The following CCDC91 variants were observed in gnomAD, a reference collection of about 807,000 sequenced individuals.
CCDC91 encodes coiled-coil domain containing 91.
A neutral mutation model predicts 63.2 loss-of-function variants in CCDC91; 48 were observed. The ratio of observed to expected loss-of-function variants is 0.76; its 90% CI spans 0.60 to 0.97. The LOEUF (loss-of-function observed/expected upper bound fraction) is 0.97, where lower values mean the gene tolerates loss of function less well. Ranked by LOEUF, CCDC91 falls within the 50% of genes least tolerant of loss-of-function variation. The pLI is 0.00. For missense variants in CCDC91, 500 were observed against 494.6 expected (o/e 1.01, Z -0.10); for synonymous variants, 167 against 165.8 (o/e 1.01, Z -0.06).
intron 3 of CCDC91, among the ~76,000 whole-genome samples, chr12:28,281,355 G>A (rs951964056): frequency 5.9e-5 from 9 of 152,052 alleles, no homozygotes; most frequent in Admixed American, 2.6e-4. Flanking sequence ...CAGGAAGGGC[G>A]GGTTAGAACC....
chr12:28,507,720 A>T (rs1592894270), intron 12 of CCDC91, among the ~76,000 whole-genome samples: 1 of 151,986 alleles, frequency 6.6e-6, no homozygotes, highest in South Asian at 2.1e-4. Flanking sequence ...AGCTGATACT[A>T]GGTACTAGTA....
chr12:28,516,655 A>G (rs987112288), intron 12 of CCDC91, among the ~76,000 whole-genome samples: 4 of 151,856 alleles, frequency 2.6e-5, no homozygotes, highest in Admixed American at 2.0e-4. Flanking sequence ...TCACAGTTCT[A>G]TTGGTGAGGA....
chr12:28,546,078 A>C (rs1942970607), intron 12 of CCDC91, among the ~76,000 whole-genome samples: 1 of 152,132 alleles, frequency 6.6e-6, no homozygotes, highest in Non-Finnish European at 1.5e-5. Context: ...ATAGTAAAAC[A>C]AACACCCATG....
rs1290577311 is a variant in CCDC91 at position 28,457,280 on chromosome 12, C to G, written c.1101+4626C>G. Among the ~76,000 whole-genome samples the G allele has an allele frequency of 1.2e-4, 18 of 151,870 alleles. 1 individual carries two copies. Among genetic ancestry groups the G allele is most frequent in the Admixed American group, 1.2e-3 (18 of 15,192 alleles). On this transcript the variant is annotated intron_variant, in intron 11 of 12. Coordinates refer to ENST00000536442, the MANE Select transcript of CCDC91 (RefSeq NM_018318.5). Reference sequence around the variant, plus strand: ...ACCTGAAGAGCCTCTCTCCAGGGACCTACAAACTGTTTTGAGTATTAACTG... The same window carrying G: ...ACCTGAAGAGCCTCTCTCCAGGGACGTACAAACTGTTTTGAGTATTAACTG...
At chr12:28,389,020 C>T (rs1330549929) in intron 7 of CCDC91, among the ~76,000 whole-genome samples, 3 of 152,112 alleles carry the variant, frequency 2.0e-5, no homozygotes, top group Admixed American at 6.5e-5. Context: ...ACTTAAACTA[C>T]GGAGCTTTTG....
intron 6 of CCDC91, among the ~76,000 whole-genome samples, chr12:28,345,417 C>A (rs563468136): frequency 6.6e-6 from 1 of 152,052 alleles, no homozygotes; most frequent in African/African-American, 2.4e-5. Context: ...CTATATTGAA[C>A]ATTTAAGTGT....
At chr12:28,311,981 C>T (rs957511757) in intron 6 of CCDC91, among the ~76,000 whole-genome samples, 4 of 152,000 alleles carry the variant, frequency 2.6e-5, no homozygotes, top group African/African-American at 9.7e-5. Flanking sequence ...CTTCCCTCTG[C>T]ATTCCAGAAT....
chr12:28,442,836 A>G (rs1949298168), intron 8 of CCDC91, among the ~76,000 whole-genome samples: 1 of 151,870 alleles, frequency 6.6e-6, no homozygotes, highest in Non-Finnish European at 1.5e-5. Context: ...TCAAATGTCA[A>G]AGTATGTTTG....
At chr12:28,314,401 G>T (rs1186016832) in intron 6 of CCDC91, among the ~76,000 whole-genome samples, 1 of 151,976 alleles carries the variant, frequency 6.6e-6, no homozygotes, top group East Asian at 1.9e-4. Flanking sequence ...TGGGCGCTTG[G>T]CAAGAGGCTA....
intron 7 of CCDC91, among the ~76,000 whole-genome samples, chr12:28,388,606 T>C (rs1175912709): frequency 6.6e-6 from 1 of 152,120 alleles, no homozygotes; most frequent in Non-Finnish European, 1.5e-5. Flanking sequence ...AAAGAAATCA[T>C]AGATGACACA....
chr12:28,517,937 C>T (rs971281758), intron 12 of CCDC91, among the ~76,000 whole-genome samples: 2 of 151,834 alleles, frequency 1.3e-5, no homozygotes, highest in Non-Finnish European at 2.9e-5. Context: ...GTCTCTGGTC[C>T]GATTCAGATT....
chr12:28,201,618 G>A (rs1942436767), intron 1 of CCDC91, among the ~76,000 whole-genome samples: 1 of 146,840 alleles, frequency 6.8e-6, no homozygotes, highest in Non-Finnish European at 1.5e-5. Context: ...TCACTTCCCA[G>A]ACGGGGTGGC....
chr12:28,453,350 T>G lies in CCDC91; in HGVS notation c.1101+696T>G, dbSNP rs1009420091. Among the ~76,000 whole-genome samples, 5 of 151,982 alleles carry G rather than the reference T, an allele frequency of 3.3e-5. No individual in the cohort carries two copies. The East Asian group carries it at 5.8e-4, about 18-fold the overall frequency. ...AAGTATCAAAAGCAAAAGAATAACA[T>G]TCATAGAAGTCTAACATGTTCAAAC... On this transcript the variant is annotated intron_variant, in intron 11 of 12. Transcript: ENST00000536442.
chr12:28,257,738 T>C (rs1159191582), intron 2 of CCDC91, among the ~76,000 whole-genome samples: 2 of 152,124 alleles, frequency 1.3e-5, no homozygotes, highest in African/African-American at 2.4e-5. Flanking sequence ...ATGGATACTT[T>C]GTAAGTGGAA....
intron 11 of CCDC91, among the ~76,000 whole-genome samples, chr12:28,459,209 A>G (rs1406373050): frequency 6.6e-6 from 1 of 152,042 alleles, no homozygotes; most frequent in Admixed American, 6.6e-5. Context: ...TTTACCCTCC[A>G]TAAAACTTTT....
intron 8 of CCDC91, among the ~76,000 whole-genome samples, chr12:28,430,832 C>T (rs1303413682): frequency 1.3e-5 from 2 of 152,050 alleles, no homozygotes; most frequent in Non-Finnish European, 2.9e-5. Context: ...TGCTTCAGTT[C>T]CTTCTCCCCA....
At chr12:28,327,341 A>G (rs1300819430) in intron 6 of CCDC91, among the ~76,000 whole-genome samples, 1 of 152,116 alleles carries the variant, frequency 6.6e-6, no homozygotes, top group Non-Finnish European at 1.5e-5. Context: ...CCTGGGGGCT[A>G]TGCATGTTCA....
At chr12:28,227,908 T>G (rs1425923788) in intron 1 of CCDC91, among the ~76,000 whole-genome samples, 1 of 152,110 alleles carries the variant, frequency 6.6e-6, no homozygotes, top group Non-Finnish European at 1.5e-5. Context: ...CATTGTTTTC[T>G]TATTGAAAAA....
At chr12:28,342,278 AC>A (rs1942483629) in intron 6 of CCDC91, among the ~76,000 whole-genome samples, 2 of 152,170 alleles carry the variant, frequency 1.3e-5, no homozygotes, top group South Asian at 4.1e-4. Context: ...CTTCATTTTA[AC>A]CCAGTGAGAC....
Sources: allele counts gnomAD v4.1 joint callset (sites outside exome capture counted in the v4.1 genomes callset), GRCh38; gene constraint gnomAD v4.1.1; transcripts MANE v1.5; gene names NCBI Gene and HGNC (gene_info 2026-07-23, HGNC 2026-07-21).